DNAJC12: variants seen among roughly 807,000 people sequenced by gnomAD.
The protein encoded by DNAJC12 is dnaJ homolog subfamily C member 12.
A neutral mutation model predicts 28.5 loss-of-function variants in DNAJC12; 25 were observed. That is an observed-to-expected ratio of 0.88 (90% CI 0.64 to 1.22). The LOEUF (loss-of-function observed/expected upper bound fraction) is 1.22. DNAJC12 is among the 50% of genes most tolerant of loss of function. The pLI is 0.00. For synonymous variants in DNAJC12, 77 were observed against 80.6 expected (o/e 0.95, Z 0.24); for missense variants, 222 against 231.7 (o/e 0.96, Z 0.27).
At chr10:67,817,623 TC>T (rs1236587344) in intron 2 of DNAJC12, among the ~76,000 whole-genome samples, 1 of 152,090 alleles carries the variant, frequency 6.6e-6, no homozygotes, top group Non-Finnish European at 1.5e-5. Context: ...ACTCCTGTAA[TC>T]CCAGCACTTT....
chr10:67,834,790 C>T (rs1397482817), intron 1 of DNAJC12, among the ~76,000 whole-genome samples: 1 of 152,010 alleles, frequency 6.6e-6, no homozygotes, highest in Non-Finnish European at 1.5e-5. Context: ...CACTGCACTC[C>T]AGCCTGGGCA....
intron 1 of DNAJC12, among the ~76,000 whole-genome samples, chr10:67,828,276 T>C (rs1363177148): frequency 6.6e-6 from 1 of 152,200 alleles, no homozygotes; most frequent in Admixed American, 6.6e-5. Context: ...TTTGTATGTG[T>C]GTGTATATAT....
At chr10:67,820,221 G>A (rs1246587685) in intron 2 of DNAJC12, among the ~76,000 whole-genome samples, 1 of 152,172 alleles carries the variant, frequency 6.6e-6, no homozygotes, top group Non-Finnish European at 1.5e-5. Context: ...TGAAATTCTA[G>A]GCATGGTGAA....
At chr10:67,805,550 T>G (rs1304019935) in intron 4 of DNAJC12, 33 bp downstream of exon 4, 1 of 1,566,078 alleles carries the variant, frequency 6.4e-7, no homozygotes, top group Admixed American at 2.1e-5. Flanking sequence ...ATTTCAGACC[T>G]TCTCCATTCT....
rs758323672 is a variant in DNAJC12 at position 67,797,088 on chromosome 10, C to T, written c.*28G>A. The T allele has an allele frequency of 3.2e-6, 5 of 1,584,704 alleles. No individual in the cohort carries two copies. The East Asian group carries it at 1.1e-4, about 36-fold the overall frequency. The stretch of plus-strand genomic sequence containing the variant: ...TGGCAGCATAGGGGACAGTCTTGCT[C>T]TTCCTCATTTTTTGAAGCAGAGATA... On this transcript the variant is annotated 3_prime_UTR_variant, in exon 5 of 5. Coordinates refer to ENST00000225171, the MANE Select transcript of DNAJC12 (RefSeq NM_021800.3).
chr10:67,811,524 C>T lies in DNAJC12; in HGVS notation c.297G>A (p.Thr99=), dbSNP rs772064660. 13 of 1,613,926 alleles carry T rather than the reference C, an allele frequency of 8.1e-6. No homozygotes were observed. Among genetic ancestry groups the T allele is most frequent in the East Asian group, 4.5e-5 (2 of 44,888 alleles). ...ACGTCGCACCCAGCGAGAAACCCACCGTCTTCACTGAGTCATTCAAAGCTT... is the reference window on the plus strand; with the variant it reads ...ACGTCGCACCCAGCGAGAAACCCACTGTCTTCACTGAGTCATTCAAAGCTT... ...QWEALNDSVK[T]SMHWVVRGKK... Residue 99 remains threonine (T), a splice_region_variant and synonymous_variant, in exon 3 of 5, where the codon ACG becomes ACA. Coordinates refer to ENST00000225171, the MANE Select transcript of DNAJC12 (RefSeq NM_021800.3).
At chr10:67,812,230 A>C (rs1157759326) in intron 2 of DNAJC12, among the ~76,000 whole-genome samples, 1 of 152,136 alleles carries the variant, frequency 6.6e-6, no homozygotes, top group Non-Finnish European at 1.5e-5. Flanking sequence ...AGGAAGTAGT[A>C]ATTGCCAGTG....
At chr10:67,836,129 A>C (rs1392111692) in intron 1 of DNAJC12, among the ~76,000 whole-genome samples, 4 of 152,094 alleles carry the variant, frequency 2.6e-5, no homozygotes, top group Non-Finnish European at 5.9e-5. Context: ...GTTCTCACTC[A>C]TAAGTGGGAG....
intron 2 of DNAJC12, among the ~76,000 whole-genome samples, chr10:67,812,673 T>C (rs1169464588): frequency 1.4e-5 from 2 of 144,668 alleles, no homozygotes; most frequent in Non-Finnish European, 3.0e-5. Flanking sequence ...TGAAACCCCA[T>C]CTCTGCTAAA....
At chr10:67,818,273 G>A (rs187748256) in intron 2 of DNAJC12, among the ~76,000 whole-genome samples, 4 of 152,110 alleles carry the variant, frequency 2.6e-5, no homozygotes, top group Non-Finnish European at 2.9e-5. Flanking sequence ...CCACATAAAC[G>A]TTCAGAAAGT....
chr10:67,818,768 G>C (rs1841940772), intron 2 of DNAJC12, among the ~76,000 whole-genome samples: 4 of 151,728 alleles, frequency 2.6e-5, no homozygotes, highest in African/African-American at 7.3e-5. Flanking sequence ...CGATTCTCCT[G>C]TCTCAGCCTC....
chr10:67,811,500 C>T (rs748635046), intron 3 of DNAJC12, 24 bp downstream of exon 3: 21 of 1,613,452 alleles, frequency 1.3e-5, no homozygotes, highest in South Asian at 1.1e-4. Flanking sequence ...CACAAATTCA[C>T]GTCGCACCCA....
chr10:67,802,530 A>T (rs1369181250), intron 4 of DNAJC12, among the ~76,000 whole-genome samples: 1 of 152,028 alleles, frequency 6.6e-6, no homozygotes, highest in African/African-American at 2.4e-5. Flanking sequence ...AACCCCCAAC[A>T]TTTTATTTGT....
At chr10:67,805,442 C>T (rs1841790164) in intron 4 of DNAJC12, 141 bp downstream of exon 4, 7 of 884,114 alleles carry the variant, frequency 7.9e-6, no homozygotes, top group Non-Finnish European at 1.2e-5. Context: ...GGTGTCAATG[C>T]TAAGTGTCTT....
intron 3 of DNAJC12, among the ~76,000 whole-genome samples, chr10:67,807,327 GGGAGATTCCT>G (rs1210450536): frequency 6.6e-6 from 1 of 152,102 alleles, no homozygotes; most frequent in Non-Finnish European, 1.5e-5. Context: ...CATACAAGGT[GGGAGATTCCT>G]GGTGCCAACA....
intron 2 of DNAJC12, among the ~76,000 whole-genome samples, chr10:67,813,557 G>A (rs1249696526): frequency 2.6e-5 from 4 of 151,144 alleles, no homozygotes; most frequent in African/African-American, 7.3e-5. Context: ...AGACCAGTCT[G>A]GCCAACATGG....
At chr10:67,804,769 C>T (rs1841781884) in intron 4 of DNAJC12, among the ~76,000 whole-genome samples, 1 of 152,126 alleles carries the variant, frequency 6.6e-6, no homozygotes, top group South Asian at 2.1e-4. Flanking sequence ...TGGTGGCTTA[C>T]ACCTGTAATC....
At chr10:67,837,890 G>T in intron 1 of DNAJC12, 44 bp downstream of exon 1, 1 of 1,403,934 alleles carries the variant, frequency 7.1e-7, no homozygotes, top group Non-Finnish European at 9.8e-7. Context: ...ATACTATTGT[G>T]AAAAAGAATA....
At position 67,819,477 on chromosome 10, in the gene DNAJC12, A is replaced by C. The variant is rs1342825418; in HGVS notation, c.157+3837T>G. Among the ~76,000 whole-genome samples the C allele has an allele frequency of 2.6e-5, 4 of 151,360 alleles. No homozygotes were observed. The East Asian group carries it at 7.8e-4, about 30-fold the overall frequency. ...AACATGGTGAAACCCCTTTTGCACC[A>C]AAAATACAAAAATTAGCCAGGTGTG... is the stretch of plus-strand genomic sequence containing the variant. On this transcript the variant is annotated intron_variant, in intron 2 of 4. Transcript: ENST00000225171.
Sources: allele counts gnomAD v4.1 joint callset (sites outside exome capture counted in the v4.1 genomes callset), GRCh38; gene constraint gnomAD v4.1.1; transcripts MANE v1.5; gene names NCBI Gene and HGNC (gene_info 2026-07-23, HGNC 2026-07-21).